Variants in SCN3A observed in about 807,000 individuals in gnomAD.
SCN3A encodes the protein sodium voltage-gated channel alpha subunit 3.
A neutral mutation model predicts 187.6 loss-of-function variants in SCN3A; 60 were observed. The ratio of observed to expected loss-of-function variants is 0.32; its 90% CI spans 0.26 to 0.40. SCN3A has a LOEUF of 0.40. SCN3A is among the 10% of genes least tolerant of loss of function. SCN3A has a pLI of 1.00. For synonymous variants in SCN3A, 788 were observed against 829.2 expected (o/e 0.95, Z 0.85); for missense variants, 1,601 against 2,428.2 (o/e 0.66, Z 7.16).
At chr2:165,151,559 A>G (rs890339681) in intron 11 of SCN3A, among the ~76,000 whole-genome samples, 7 of 152,236 alleles carry the variant, frequency 4.6e-5, no homozygotes, top group African/African-American at 1.7e-4. Context: ...GGAAAATGGA[A>G]AAGCAAGCAA....
chr2:165,194,047 G>T (rs1691779230), intron 1 of SCN3A, among the ~76,000 whole-genome samples: 1 of 152,054 alleles, frequency 6.6e-6, no homozygotes, highest in African/African-American at 2.4e-5. Flanking sequence ...TGCCTCAGAA[G>T]ATAATGCAAT....
At chr2:165,145,966 T>G (rs1437568691) in intron 12 of SCN3A, among the ~76,000 whole-genome samples, 1 of 152,140 alleles carries the variant, frequency 6.6e-6, no homozygotes, top group African/African-American at 2.4e-5. Flanking sequence ...TACTAATCCA[T>G]AAAACTTACT....
At position 165,137,926 on chromosome 2, in the gene SCN3A, A is replaced by G; in HGVS notation, c.2344T>C (p.Tyr782His). ...CTACTGAATTGCTCAGTCATGGGGT[A>G]GTGCTCCATGGCCATAAAGAGGGTA... ...LNTLFMAMEH[Y>H]PMTEQFSSVL... Residue 782 changes from tyrosine (Y) to histidine (H), a missense_variant, in exon 15 of 28, where the codon TAC becomes CAC. By Grantham distance (83) the Tyr-to-His change is moderately conservative. Transcript: ENST00000283254. 6.2e-7 allele frequency: 1 copy of G among 1,613,428 alleles called. No individual in the cohort carries two copies.
At chr2:165,196,895 G>C (rs552818246) in intron 1 of SCN3A, among the ~76,000 whole-genome samples, 1 of 151,940 alleles carries the variant, frequency 6.6e-6, no homozygotes, top group African/African-American at 2.4e-5. Flanking sequence ...ACTCTTATTC[G>C]ATTATTCAAG....
chr2:165,185,982 A>G lies in SCN3A; in HGVS notation c.-51+569T>C, dbSNP rs185435862. On this transcript the variant is annotated intron_variant, in intron 2 of 27. Coordinates refer to ENST00000283254, the MANE Select transcript of SCN3A (RefSeq NM_006922.4). ...TCTCTTAAAAGAAAAATATATAAAA[A>G]ACTCAGTTGCTGGGCGCGATGGCTC... is the stretch of plus-strand genomic sequence containing the variant. Among the ~76,000 whole-genome samples the G allele has an allele frequency of 3.9e-5, 6 of 152,196 alleles. No individual in the cohort carries two copies. In the East Asian group the frequency reaches 7.7e-4, roughly 20 times the overall value.
At chr2:165,122,218 TTTTC>T (rs1405916431) in intron 18 of SCN3A, among the ~76,000 whole-genome samples, 2 of 144,242 alleles carry the variant, frequency 1.4e-5, no homozygotes, top group African/African-American at 2.5e-5. Flanking sequence ...TTTTTTTCTT[TTTTC>T]TTTCTTTCTT....
At chr2:165,109,166 A>T (rs115037360) in intron 21 of SCN3A, among the ~76,000 whole-genome samples, 2,307 of 152,154 alleles carry the variant, frequency 0.015, 26 homozygotes, top group Middle Eastern at 0.061. Context: ...ACTACTTCTC[A>T]GTCTAATTTA....
At chr2:165,176,769 A>G (rs1275362010) in intron 2 of SCN3A, among the ~76,000 whole-genome samples, 1 of 152,160 alleles carries the variant, frequency 6.6e-6, no homozygotes. Flanking sequence ...AAAGCATTTA[A>G]AAAAATTCTG....
At chr2:165,098,061 A>G (rs1287564460) in intron 22 of SCN3A, among the ~76,000 whole-genome samples, 1 of 152,200 alleles carries the variant, frequency 6.6e-6, no homozygotes, top group Non-Finnish European at 1.5e-5. Flanking sequence ...GTAAATCTCA[A>G]TAAAAAGGTT....
chr2:165,100,912 G>A (rs1226018256), intron 21 of SCN3A, among the ~76,000 whole-genome samples: 1 of 152,128 alleles, frequency 6.6e-6, no homozygotes, highest in Non-Finnish European at 1.5e-5. Flanking sequence ...CAGCTGGGAT[G>A]AAACATTGTT....
chr2:165,089,103 T>C lies in SCN3A; in HGVS notation c.*1047A>G, dbSNP rs1034560221. On this transcript the variant is annotated 3_prime_UTR_variant, in exon 28 of 28. Coordinates refer to ENST00000283254, the MANE Select transcript of SCN3A (RefSeq NM_006922.4). ...CCTTTAAACTATGTTTAATGAATGA[T>C]ACAGGATACATCCCTGTTGGAAGCT... 7.2e-5 allele frequency: 11 copies of C among 152,614 alleles called. No homozygotes were observed. Among genetic ancestry groups the C allele is most frequent in the Admixed American group, 4.6e-4 (7 of 15,268 alleles). 9.5% of individuals were successfully genotyped at this position (152,614 alleles called of 1,614,324 possible).
intron 1 of SCN3A, among the ~76,000 whole-genome samples, chr2:165,198,001 C>T (rs1260494532): frequency 6.6e-6 from 1 of 151,822 alleles, no homozygotes; most frequent in East Asian, 1.9e-4. Context: ...ATGTATATAT[C>T]ATATCAACAG....
intron 3 of SCN3A, among the ~76,000 whole-genome samples, chr2:165,174,412 A>C (rs973545588): frequency 6.6e-6 from 1 of 152,212 alleles, no homozygotes; most frequent in Non-Finnish European, 1.5e-5. Context: ...TAGGTAGTTC[A>C]GTGTAGCCCC....
chr2:165,145,701 T>C (rs1281999486), intron 12 of SCN3A, among the ~76,000 whole-genome samples: 1 of 152,100 alleles, frequency 6.6e-6, no homozygotes, highest in Non-Finnish European at 1.5e-5. Flanking sequence ...AGAAGTTTCT[T>C]TCTTTATGAA....
At chr2:165,107,788 A>C (rs1301708467) in intron 21 of SCN3A, among the ~76,000 whole-genome samples, 4 of 152,236 alleles carry the variant, frequency 2.6e-5, no homozygotes, top group Non-Finnish European at 4.4e-5. Context: ...TGAAATAGAG[A>C]TAACATCTGT....
At position 165,088,056 on chromosome 2, in the gene SCN3A, G is replaced by A. The variant is rs901751167; in HGVS notation, c.*2094C>T. The A allele has an allele frequency of 6.6e-6, 1 of 152,178 alleles. No homozygotes were observed. Among genetic ancestry groups the A allele is most frequent in the Non-Finnish European group, 1.5e-5 (1 of 67,976 alleles). 9.4% of individuals were successfully genotyped at this position (152,178 alleles called of 1,614,324 possible). A position where few individuals can be genotyped will look rare whatever the true frequency, so the allele number is the denominator to read the frequency against. On this transcript the variant is annotated 3_prime_UTR_variant, in exon 28 of 28. Coordinates refer to ENST00000283254, the MANE Select transcript of SCN3A (RefSeq NM_006922.4). ...TTTATGTATACAAATGTCAGATCAA[G>A]CACAGGTTTTATTAATTATATATAT...
intron 2 of SCN3A, among the ~76,000 whole-genome samples, chr2:165,185,167 G>T (rs772347662): frequency 6.6e-6 from 1 of 151,948 alleles, no homozygotes; most frequent in Admixed American, 6.6e-5. Context: ...CTGTGACTTC[G>T]TCCTTATCAG....
At position 165,092,124 on chromosome 2, in the gene SCN3A, A is replaced by G. The variant is rs1685134159; in HGVS notation, c.4807+130T>C. 4.4e-6 allele frequency: 4 copies of G among 907,182 alleles called. No homozygotes were observed. The highest frequency in any genetic ancestry group is 4.2e-5 in the South Asian group (3 of 72,026). 56.2% of individuals were successfully genotyped at this position (907,182 alleles called of 1,614,324 possible). A position where few individuals can be genotyped will look rare whatever the true frequency, so the allele number is the denominator to read the frequency against. Reference sequence around the variant, plus strand: ...CAGGTTTCAGAGTTTTTATTCAAATATGCTAGTGTTGAACTTTACATCTAT... The same window carrying G: ...CAGGTTTCAGAGTTTTTATTCAAATGTGCTAGTGTTGAACTTTACATCTAT... On this transcript the variant is annotated intron_variant, in intron 27 of 27. Coordinates refer to ENST00000283254, the MANE Select transcript of SCN3A (RefSeq NM_006922.4). The surrounding 1 kb of genome is among the most constrained non-coding windows in gnomAD (Gnocchi z 4.2).
chr2:165,175,377 A>G (rs1219529852), intron 3 of SCN3A, among the ~76,000 whole-genome samples: 2 of 152,216 alleles, frequency 1.3e-5, no homozygotes, highest in Non-Finnish European at 2.9e-5. Context: ...TAGTTTAACT[A>G]TAGAAACCAG....
Sources: allele counts gnomAD v4.1 joint callset (sites outside exome capture counted in the v4.1 genomes callset), GRCh38; gene constraint gnomAD v4.1.1; non-coding constraint Gnocchi (gnomAD v3.1); transcripts MANE v1.5; gene names NCBI Gene and HGNC (gene_info 2026-07-23, HGNC 2026-07-21).